PSG11: variants seen among roughly 807,000 people sequenced by gnomAD.
The protein encoded by PSG11 is pregnancy-specific beta-1-glycoprotein 11.
Under a neutral mutation model 36.0 loss-of-function variants are expected in PSG11, and 42 were observed. The observed-to-expected ratio is 1.17, with a 90% CI of 0.91 to 1.51. The LOEUF (loss-of-function observed/expected upper bound fraction) is 1.51. PSG11 is among the 40% of genes most tolerant of loss of function. The pLI is 0.00. For missense variants in PSG11, 558 were observed against 403.5 expected, an observed-to-expected ratio of 1.38 and a Z score of -3.28; for synonymous variants, 206 against 153.5, an observed-to-expected ratio of 1.34 and a Z score of -2.53.
At chr19:43,010,127 T>TA (rs1974037127) in intron 4 of PSG11, 86 bp from the exon 5 acceptor site, 1 of 1,527,854 alleles carries the variant, frequency 6.5e-7, no homozygotes, top group African/African-American at 1.4e-5. Flanking sequence ...TAACATGAGA[T>TA]ACTGTATAAT....
chr19:43,007,879 AT>A lies in PSG11; in HGVS notation c.*203del. ...ATTATGAAAACATTATCCTTTTGTT[AT>A]TTAGTCCAATGAAATGGAGTTCTTT... On this transcript the variant is annotated 3_prime_UTR_variant, in exon 6 of 6. Coordinates refer to ENST00000320078, the MANE Select transcript of PSG11 (RefSeq NM_002785.3). The A allele has an allele frequency of 2.7e-6, 1 of 366,410 alleles. No homozygotes were observed. The highest frequency in any genetic ancestry group is 5.1e-6 in the Non-Finnish European group (1 of 194,446). The allele number at this position is 366,410 out of a possible 1,614,324, so 22.7% of individuals were successfully genotyped here.
chr19:43,016,374 G>C (rs1341600302), intron 3 of PSG11, among the ~76,000 whole-genome samples: 1 of 151,122 alleles, frequency 6.6e-6, no homozygotes, highest in Non-Finnish European at 1.5e-5. Flanking sequence ...GCTCACCTTG[G>C]GTTCCTTACC....
chr19:43,013,137 T>G (rs1162388641), intron 4 of PSG11, among the ~76,000 whole-genome samples: 1 of 151,246 alleles, frequency 6.6e-6, no homozygotes, highest in African/African-American at 2.4e-5. Context: ...CAATAAATCA[T>G]AGATCTAAAT....
intron 4 of PSG11, among the ~76,000 whole-genome samples, chr19:43,011,279 A>G (rs372422720): frequency 6.6e-6 from 1 of 151,320 alleles, no homozygotes; most frequent in African/African-American, 2.4e-5. Context: ...GAGGAATCAG[A>G]GGTTCAGAGA....
intron 1 of PSG11, among the ~76,000 whole-genome samples, chr19:43,025,720 T>A (rs1308403824): frequency 1.5e-5 from 2 of 131,904 alleles, no homozygotes; most frequent in African/African-American, 3.0e-5. Context: ...CCCTGTTTAT[T>A]TTTATTTGTA....
chr19:43,015,693 AG>A, intron 3 of PSG11: 1 of 1,585,132 alleles, frequency 6.3e-7, no homozygotes, highest in African/African-American at 1.4e-5. Flanking sequence ...TGGACCGGAG[AG>A]AGACTGAGAG....
chr19:43,016,572 C>G lies in PSG11; in HGVS notation c.710-1202G>C, dbSNP rs906330518. ...ACTGGATGTTTCAGCAGAAATAACA[C>G]AGGGGAGACCAGAGTCAAGCCTGGA... is the stretch of plus-strand genomic sequence containing the variant. On this transcript the variant is annotated intron_variant, in intron 3 of 5. Coordinates refer to ENST00000320078, the MANE Select transcript of PSG11 (RefSeq NM_002785.3). Among the ~76,000 whole-genome samples, 7 of 151,566 alleles carry G rather than the reference C, an allele frequency of 4.6e-5. 1 individual carries two copies. Among genetic ancestry groups the G allele is most frequent in the Admixed American group, 4.6e-4 (7 of 15,190 alleles).
intron 3 of PSG11, 39 bp from the exon 4 acceptor site, chr19:43,015,409 G>T: frequency 6.3e-7 from 1 of 1,581,254 alleles, no homozygotes; most frequent in Non-Finnish European, 8.6e-7. Flanking sequence ...GATGTCATCT[G>T]AGGGAAGGGG....
At chr19:43,020,506 A>G (rs1401402374) in intron 2 of PSG11, among the ~76,000 whole-genome samples, 1 of 151,322 alleles carries the variant, frequency 6.6e-6, no homozygotes, top group African/African-American at 2.4e-5. Context: ...CAAAAAAAAA[A>G]TTTGGAGGAA....
At chr19:43,022,428 A>G (rs1468135675) in intron 2 of PSG11, among the ~76,000 whole-genome samples, 3 of 151,158 alleles carry the variant, frequency 2.0e-5, no homozygotes. Context: ...CATCACCAAC[A>G]ATCAGCAGTA....
Position 43,019,013 on chromosome 19 carries a change from A to C in PSG11, c.466T>G (p.Leu156Val). The C allele has an allele frequency of 6.2e-7, 1 of 1,611,986 alleles. No homozygotes were observed. Among genetic ancestry groups the C allele is most frequent in the Non-Finnish European group, 8.5e-7 (1 of 1,179,082 alleles). Residue 156 changes from leucine to valine, a missense_variant, in exon 3 of 6, where the codon TTA (leucine) becomes GTA (valine). Transcript: ENST00000320078. ...GTCTCCATGGCCTCCCTGGGGTTTAAGTTGCTGCTGGAGATGGAGGGCTTG... is the reference window on the plus strand; with the variant it reads ...GTCTCCATGGCCTCCCTGGGGTTTACGTTGCTGCTGGAGATGGAGGGCTTG... ...TPKPSISSSN[L>V]NPREAMETVI... is the part of the protein sequence containing the mutation.
At chr19:43,022,777 A>G (rs1485710585) in intron 2 of PSG11, among the ~76,000 whole-genome samples, 1 of 151,028 alleles carries the variant, frequency 6.6e-6, no homozygotes, top group Non-Finnish European at 1.5e-5. Context: ...ACCTGGGGAC[A>G]TTGGCTCGAG....
chr19:43,016,894 A>G lies in PSG11; in HGVS notation c.710-1524T>C, dbSNP rs183706518. Among the ~76,000 whole-genome samples the G allele has an allele frequency of 4.0e-4, 60 of 151,678 alleles. 1 individual carries two copies. Among genetic ancestry groups the G allele is most frequent in the Non-Finnish European group, 6.9e-4 (47 of 67,914 alleles). Reference sequence around the variant, plus strand: ...GAACTGACTGGTGGAAAGGGTGGGAATGAACTGCTGGAAATCTGGTCCTCA... The same window carrying G: ...GAACTGACTGGTGGAAAGGGTGGGAGTGAACTGCTGGAAATCTGGTCCTCA... On this transcript the variant is annotated intron_variant, in intron 3 of 5. Coordinates refer to ENST00000320078, the MANE Select transcript of PSG11 (RefSeq NM_002785.3).
rs191224661 is a variant in PSG11, at chr19:43,022,620, G to A, written c.430+2071C>T. ...TAAATTTGTGTGTTTGTGTGTGTGT[G>A]TGCAGGAGGCCAGAAGAACTTGTCT... On this transcript the variant is annotated intron_variant, in intron 2 of 5. Coordinates refer to ENST00000320078, the MANE Select transcript of PSG11 (RefSeq NM_002785.3). 4.3e-4 allele frequency among the ~76,000 whole-genome samples: 65 copies of A among 151,540 alleles called. 4 individuals carry two copies. In the South Asian group the frequency reaches 0.013, roughly 31 times the overall value.
intron 5 of PSG11, among the ~76,000 whole-genome samples, chr19:43,009,282 G>A (rs11882793): frequency 0.53 from 79,625 of 149,760 alleles, 22,765 homozygotes; most frequent in East Asian, 0.98. Flanking sequence ...TGTTGCTTGT[G>A]ATGAAGGGTG....
intron 2 of PSG11, 144 bp from the exon 3 acceptor site, chr19:43,019,192 G>C: frequency 6.8e-7 from 1 of 1,475,370 alleles, no homozygotes; most frequent in African/African-American, 1.4e-5. Context: ...TTACAACACA[G>C]ATGCATGGCA....
intron 3 of PSG11, among the ~76,000 whole-genome samples, chr19:43,017,982 G>C (rs1967007144): frequency 6.6e-6 from 1 of 151,220 alleles, no homozygotes; most frequent in South Asian, 2.1e-4. Flanking sequence ...TGGTGGTTTT[G>C]GAGCAGAAAC....
At chr19:43,023,395 G>A (rs1049194785) in intron 2 of PSG11, among the ~76,000 whole-genome samples, 1 of 150,918 alleles carries the variant, frequency 6.6e-6, no homozygotes, top group African/African-American at 2.5e-5. Flanking sequence ...AAGAAAACAA[G>A]GTCCTCTCCT....
intron 4 of PSG11, among the ~76,000 whole-genome samples, chr19:43,013,124 C>A (rs1164160601): frequency 6.6e-6 from 1 of 151,114 alleles, no homozygotes; most frequent in African/African-American, 2.4e-5. Flanking sequence ...AAAAATTAAC[C>A]CACAATAAAT....
Sources: allele counts gnomAD v4.1 joint callset (sites outside exome capture counted in the v4.1 genomes callset), GRCh38; gene constraint gnomAD v4.1.1; transcripts MANE v1.5; gene names NCBI Gene and HGNC (gene_info 2026-07-23, HGNC 2026-07-21).